Variants in GLDN observed in about 807,000 individuals in gnomAD.
GLDN encodes collomin.
In GLDN, 47 loss-of-function variants were observed where a neutral mutation model predicts 56.5. The ratio of observed to expected loss-of-function variants is 0.83; its 90% CI spans 0.66 to 1.06. The LOEUF (loss-of-function observed/expected upper bound fraction) is 1.06, where lower values mean the gene tolerates loss of function less well. Among genes scored for constraint, GLDN ranks in the 50% least tolerant of loss-of-function variants. The pLI, the probability that GLDN is intolerant of heterozygous loss-of-function variation, is 0.00. For synonymous variants in GLDN, 332 were observed against 278.8 expected (o/e 1.19, Z -1.90); for missense variants, 782 against 714.3 (o/e 1.09, Z -1.08).
At chr15:51,382,281 C>G (rs183135694) in intron 2 of GLDN, among the ~76,000 whole-genome samples, 1 of 152,276 alleles carries the variant, frequency 6.6e-6, no homozygotes, top group Admixed American at 6.5e-5. Context: ...CTGTAGCTCT[C>G]TCATACTGCA....
chr15:51,343,234 C>G (rs2036917825), intron 1 of GLDN, among the ~76,000 whole-genome samples: 1 of 152,200 alleles, frequency 6.6e-6, no homozygotes, highest in South Asian at 2.1e-4. Context: ...CTACATACTT[C>G]AAATACATCT....
At chr15:51,377,849 A>C (rs1035370180) in intron 2 of GLDN, among the ~76,000 whole-genome samples, 1 of 152,208 alleles carries the variant, frequency 6.6e-6, no homozygotes, top group African/African-American at 2.4e-5. Context: ...TTTTATCAGA[A>C]GTACTTATTG....
chr15:51,359,978 C>CAAAAAAAAAAAAAAA (rs58874237), intron 1 of GLDN, among the ~76,000 whole-genome samples: 1 of 92,710 alleles, frequency 1.1e-5, no homozygotes, highest in Non-Finnish European at 2.3e-5. Flanking sequence ...GACTCTGTCT[C>CAAAAAAAAAAAAAAA]AAAAAAAAAA....
rs1017578203 is a variant in GLDN at position 51,390,381 on chromosome 15, G to A, written c.542-4454G>A. Among the ~76,000 whole-genome samples the A allele has an allele frequency of 4.6e-5, 7 of 152,212 alleles. No homozygotes were observed. The East Asian group carries it at 1.3e-3, about 29-fold the overall frequency. On this transcript the variant is annotated intron_variant, in intron 4 of 9. Coordinates refer to ENST00000335449, the MANE Select transcript of GLDN (RefSeq NM_181789.4). ...GGAAACACTAACTTAGATCTGAAGAGAAGAGTCAGAACTGAAAGAGACCTA... is the reference window on the plus strand; with the variant it reads ...GGAAACACTAACTTAGATCTGAAGAAAAGAGTCAGAACTGAAAGAGACCTA...
Position 51,383,908 on chromosome 15 carries a change from C to T in GLDN, c.541+16C>T. 6.5e-7 allele frequency: 1 copy of T among 1,528,836 alleles called. No individual in the cohort carries two copies. 94.7% of individuals were successfully genotyped at this position (1,528,836 alleles called of 1,614,324 possible). On this transcript the variant is annotated intron_variant, in intron 4 of 9. Transcript: ENST00000335449. ...GGAAAAATGGGTATTTTTGGCAACT[C>T]TTCTAATTAATTTCCCTGTTATTTA...
intron 1 of GLDN, among the ~76,000 whole-genome samples, chr15:51,348,275 G>T (rs2037014121): frequency 6.6e-6 from 1 of 151,698 alleles, no homozygotes; most frequent in African/African-American, 2.4e-5. Context: ...CCTGCTTCCT[G>T]TGCCTGATAT....
At chr15:51,393,113 G>T (rs1331561436) in intron 4 of GLDN, among the ~76,000 whole-genome samples, 3 of 152,140 alleles carry the variant, frequency 2.0e-5, no homozygotes, top group Non-Finnish European at 2.9e-5. Context: ...TTCCTAGTTT[G>T]TTGACAAATT....
rs754477878 is a variant in GLDN, at chr15:51,341,982, C to G, written c.298C>G (p.Pro100Ala). Residue 100 changes from proline to alanine, a missense_variant, in exon 1 of 10, where the codon CCC (proline) becomes GCC (alanine). Coordinates refer to ENST00000335449, the MANE Select transcript of GLDN (RefSeq NM_181789.4). ...CAACAAGCGCAGCCACAGCGGCGAG[C>G]CCGCGCCGCATATCCGCGCCGAGAG... Reference protein sequence around the residue: ...ARNKRSHSGEPAPHIRAESHD... With the variant: ...ARNKRSHSGEAAPHIRAESHD... The G allele has an allele frequency of 6.3e-7, 1 of 1,597,576 alleles. No individual in the cohort carries two copies. The highest frequency in any genetic ancestry group is 1.3e-5 in the African/African-American group (1 of 74,856).
chr15:51,358,487 T>G (rs1452014106), intron 1 of GLDN, among the ~76,000 whole-genome samples: 1 of 152,108 alleles, frequency 6.6e-6, no homozygotes, highest in Non-Finnish European at 1.5e-5. Flanking sequence ...GCAGTCCCGG[T>G]CCCCTTTTCT....
chr15:51,347,951 T>G (rs2141046900), intron 1 of GLDN, among the ~76,000 whole-genome samples: 1 of 152,326 alleles, frequency 6.6e-6, no homozygotes, highest in Non-Finnish European at 1.5e-5. Flanking sequence ...AAGTATATAT[T>G]GTATTACCTT....
At chr15:51,373,988 C>T (rs972551633) in intron 1 of GLDN, among the ~76,000 whole-genome samples, 2 of 152,198 alleles carry the variant, frequency 1.3e-5, no homozygotes, top group Non-Finnish European at 2.9e-5. Flanking sequence ...TTTATGGCCA[C>T]ACCTTTTCAT....
intron 3 of GLDN, 121 bp from the exon 4 acceptor site, chr15:51,383,664 A>G (rs567630485): frequency 1.1e-6 from 1 of 934,562 alleles, no homozygotes; most frequent in East Asian, 2.5e-5. Flanking sequence ...GAAGTGGGAA[A>G]GGATGTGGAA....
intron 4 of GLDN, among the ~76,000 whole-genome samples, chr15:51,388,778 C>G (rs2037954099): frequency 6.6e-6 from 1 of 152,202 alleles, no homozygotes; most frequent in African/African-American, 2.4e-5. Flanking sequence ...GTTGTGAGAG[C>G]AGGGTTATTG....
At chr15:51,382,082 G>C (rs1182311641) in intron 2 of GLDN, among the ~76,000 whole-genome samples, 1 of 152,034 alleles carries the variant, frequency 6.6e-6, no homozygotes, top group Non-Finnish European at 1.5e-5. Context: ...AATCTTATAA[G>C]TCCCCACCTC....
chr15:51,360,560 A>T (rs1014544937), intron 1 of GLDN: 1 of 152,424 alleles, frequency 6.6e-6, no homozygotes, highest in South Asian at 2.1e-4. Context: ...ATTGAGGGCC[A>T]GGAAACTAAC....
chr15:51,401,725 G>A lies in GLDN; in HGVS notation c.1160G>A (p.Gly387Asp), dbSNP rs776856952. 6 of 1,613,960 alleles carry A rather than the reference G, an allele frequency of 3.7e-6. No homozygotes were observed. In the South Asian group the frequency reaches 5.5e-5, roughly 15 times the overall value. Residue 387 changes from glycine (G) to aspartate (D), a missense_variant, in exon 9 of 10, where the codon GGT becomes GAT. Coordinates refer to ENST00000335449, the MANE Select transcript of GLDN (RefSeq NM_181789.4). ...AACTCTCTCTACTACCACAAAGGGG[G>A]TTCTAATACCCTAGTGAGGTAAGTC... ...YNNSLYYHKG[G>D]SNTLVRFEFG...
Position 51,404,884 on chromosome 15 carries a change from A to G in GLDN, c.*130A>G. ...TAACCTCAAAAGTGTTTATATGGTCAGTGAGCCCCGCTTAGTGAAATAGCA... is the reference window on the plus strand; with the variant it reads ...TAACCTCAAAAGTGTTTATATGGTCGGTGAGCCCCGCTTAGTGAAATAGCA... On this transcript the variant is annotated 3_prime_UTR_variant, in exon 10 of 10. Transcript: ENST00000335449. 1.5e-6 allele frequency: 1 copy of G among 661,636 alleles called. No homozygotes were observed. The highest frequency in any genetic ancestry group is 2.7e-6 in the Non-Finnish European group (1 of 371,484). 41.0% of individuals were successfully genotyped at this position (661,636 alleles called of 1,614,324 possible).
chr15:51,390,678 C>T (rs1490116995), intron 4 of GLDN, among the ~76,000 whole-genome samples: 2 of 152,214 alleles, frequency 1.3e-5, no homozygotes, highest in South Asian at 2.1e-4. Context: ...TCCTCCCTCA[C>T]CCCATGTTGT....
At chr15:51,387,833 GC>G (rs2037933122) in intron 4 of GLDN, among the ~76,000 whole-genome samples, 1 of 152,006 alleles carries the variant, frequency 6.6e-6, no homozygotes, top group Non-Finnish European at 1.5e-5. Context: ...ATAATACATA[GC>G]CAGCATTTAC....
Sources: gnomAD v4.1 joint callset for allele counts (sites outside exome capture counted in the v4.1 genomes callset) on GRCh38, gnomAD v4.1.1 for gene constraint, MANE v1.5 for transcripts, NCBI Gene and HGNC (gene_info 2026-07-23, HGNC 2026-07-21) for gene names.